HEATR5A: variants seen among roughly 807,000 people sequenced by gnomAD.
HEATR5A encodes the protein HEAT repeat-containing protein 5A.
A neutral mutation model predicts 218.8 loss-of-function variants in HEATR5A; 178 were observed. That is an observed-to-expected ratio of 0.81 (90% CI 0.72 to 0.92). HEATR5A has a LOEUF of 0.92. HEATR5A is among the 40% of genes least tolerant of loss of function. The pLI is 0.00. For synonymous variants in HEATR5A, 864 were observed against 871.6 expected, an observed-to-expected ratio of 0.99 and a Z score of 0.15; for missense variants, 2,420 against 2,418.9, an observed-to-expected ratio of 1.00 and a Z score of -0.01.
At chr14:31,418,383 C>G (rs938377083) in intron 1 of HEATR5A, among the ~76,000 whole-genome samples, 1 of 152,160 alleles carries the variant, frequency 6.6e-6, no homozygotes, top group African/African-American at 2.4e-5. Context: ...CGGTCTCTAT[C>G]ACAACTACTC....
chr14:31,322,351 T>C (rs1359150009), intron 24 of HEATR5A, among the ~76,000 whole-genome samples: 1 of 152,218 alleles, frequency 6.6e-6, no homozygotes, highest in African/African-American at 2.4e-5. Context: ...ATCTACAGTA[T>C]GTAAATTTTG....
At position 31,293,477 on chromosome 14, in the gene HEATR5A, T is replaced by C. The variant is rs1899080818; in HGVS notation, c.5969A>G (p.Gln1990Arg). ...ALQNLMQIGP[Q>R]YSSVFKSLVA... is the part of the protein sequence containing the mutation. The stretch of plus-strand genomic sequence containing the variant: ...TAAACTTTTAAAAACAGATGAATAC[T>C]GAGGTCCAATTTGCATGAGATTTTG... Residue 1990 changes from glutamine (Q) to arginine (R), a missense_variant, in exon 36 of 36, where the codon CAG becomes CGG. By Grantham distance (43) the Gln-to-Arg change is conservative (BLOSUM62 1). Coordinates refer to ENST00000543095, the MANE Select transcript of HEATR5A (RefSeq NM_015473.4). 1 of 1,613,874 alleles carries C rather than the reference T, an allele frequency of 6.2e-7. No individual in the cohort carries two copies.
In HEATR5A at chr14:31,343,668, C is replaced by A. The variant is rs538049651; in HGVS notation, c.3228+228G>T. Among the ~76,000 whole-genome samples the A allele has an allele frequency of 2.4e-4, 36 of 151,998 alleles. No individual in the cohort carries two copies. The East Asian group carries it at 7.0e-3, about 29-fold the overall frequency. Reference sequence around the variant, plus strand: ...TTCATTGATTTATGAATAAATATTCCAAATATCAAGTACAACAATGGGAGA... The same window carrying A: ...TTCATTGATTTATGAATAAATATTCAAAATATCAAGTACAACAATGGGAGA... On this transcript the variant is annotated intron_variant, in intron 21 of 35. Transcript: ENST00000543095.
At chr14:31,318,326 A>G (rs1899975472) in intron 25 of HEATR5A, 34 bp from the exon 26 acceptor site, 1 of 1,536,026 alleles carries the variant, frequency 6.5e-7, no homozygotes, top group Non-Finnish European at 9.0e-7. Context: ...TCAAACATCA[A>G]GAAGTAAGAC....
chr14:31,403,009 C>G lies in HEATR5A; in HGVS notation c.-34G>C, dbSNP rs746802787. On this transcript the variant is annotated 5_prime_UTR_variant, in exon 2 of 36. Coordinates refer to ENST00000543095, the MANE Select transcript of HEATR5A (RefSeq NM_015473.4). ...GCAATCCTCCCAGCTGATCACAGTT[C>G]TTCTCGTTAAACTTTGGTCAATATA... 1.0e-4 allele frequency: 157 copies of G among 1,524,862 alleles called. No individual in the cohort carries two copies. Among genetic ancestry groups the G allele is most frequent in the Non-Finnish European group, 1.4e-4 (154 of 1,140,166 alleles). The allele number at this position is 1,524,862 out of a possible 1,614,324, so 94.5% of individuals were successfully genotyped here. A position where few individuals can be genotyped will look rare whatever the true frequency, so the allele number is the denominator to read the frequency against.
At chr14:31,385,175 G>A (rs539260648) in intron 9 of HEATR5A, among the ~76,000 whole-genome samples, 1 of 152,196 alleles carries the variant, frequency 6.6e-6, no homozygotes, top group Non-Finnish European at 1.5e-5. Flanking sequence ...ACCCAGGATG[G>A]AATGCAGTGG....
At chr14:31,358,221 A>T (rs1901494179) in intron 16 of HEATR5A, among the ~76,000 whole-genome samples, 1 of 152,176 alleles carries the variant, frequency 6.6e-6, no homozygotes, top group South Asian at 2.1e-4. Context: ...ATTTTAAGTG[A>T]ACTGATAAAA....
In HEATR5A at chr14:31,350,599, AAAT is replaced by A. The variant is rs1177934039; in HGVS notation, c.2517+10_2517+12del. The A allele has an allele frequency of 2.1e-6, 3 of 1,438,020 alleles. No individual in the cohort carries two copies. Among genetic ancestry groups the A allele is most frequent in the East Asian group, 2.4e-5 (1 of 42,394 alleles). 89.1% of individuals were successfully genotyped at this position (1,438,020 alleles called of 1,614,324 possible). On this transcript the variant is annotated intron_variant, in intron 17 of 35. Transcript: ENST00000543095. ...AATGAAGCCAACATTTAAATGAAAA[AAAT>A]AATAATTACCTTCAAGAAACTAGAA... is the stretch of plus-strand genomic sequence containing the variant.
intron 11 of HEATR5A, among the ~76,000 whole-genome samples, chr14:31,377,413 T>C (rs1368434482): frequency 5.8e-5 from 1 of 17,202 alleles, no homozygotes; most frequent in East Asian, 1.8e-3. Flanking sequence ...CTCATAATGA[T>C]ACCTAAAAAA....
chr14:31,296,110 T>A, intron 33 of HEATR5A, 47 bp from the exon 34 acceptor site: 2 of 1,501,692 alleles, frequency 1.3e-6, no homozygotes, highest in South Asian at 2.3e-5. Context: ...TACTGCTTTA[T>A]ATACCTGTGT....
chr14:31,309,262 A>G (rs900627750), intron 28 of HEATR5A, 80 bp from the exon 29 acceptor site: 13 of 1,480,628 alleles, frequency 8.8e-6, no homozygotes, highest in Non-Finnish European at 1.2e-5. Context: ...GATATAGACC[A>G]TTTCCATCAC....
intron 1 of HEATR5A, among the ~76,000 whole-genome samples, chr14:31,405,333 T>C (rs182207969): frequency 9.3e-4 from 142 of 151,984 alleles, no homozygotes; most frequent in Non-Finnish European, 1.6e-3. Flanking sequence ...GATTGGGAGG[T>C]TGAGGCAGGA....
At position 31,325,979 on chromosome 14, in the gene HEATR5A, A is replaced by G; in HGVS notation, c.3547+184T>C. 4.9e-6 allele frequency: 3 copies of G among 613,738 alleles called. No homozygotes were observed. The South Asian group carries it at 6.0e-5, about 12-fold the overall frequency. 38.0% of individuals were successfully genotyped at this position (613,738 alleles called of 1,614,324 possible). ...GAGCAGGCTTAAGTATTGGATTTAT[A>G]TTGTTCAAATTACAGAGAATTCTAA... On this transcript the variant is annotated intron_variant, in intron 23 of 35. Coordinates refer to ENST00000543095, the MANE Select transcript of HEATR5A (RefSeq NM_015473.4).
intron 30 of HEATR5A, 124 bp downstream of exon 30, chr14:31,307,769 G>A: frequency 2.0e-6 from 2 of 1,014,032 alleles, no homozygotes; most frequent in Non-Finnish European, 2.9e-6. Context: ...GCCTAGCTGT[G>A]AGGCTGTATG....
rs1247114991 is a variant in HEATR5A at position 31,293,996 on chromosome 14, G to C, written c.5728C>G (p.Gln1910Glu). The C allele has an allele frequency of 1.9e-6, 3 of 1,605,652 alleles. No individual in the cohort carries two copies. The highest frequency in any genetic ancestry group is 2.6e-6 in the Non-Finnish European group (3 of 1,175,798). ...TCAGGTTTTCTCTTGTCTATTTCCTGCAGTTTTTCCATGATACAGGATGCT... is the reference window on the plus strand; with the variant it reads ...TCAGGTTTTCTCTTGTCTATTTCCTCCAGTTTTTCCATGATACAGGATGCT... Reference protein sequence around the residue: ...SLASCIMEKLQEIDKRKPENT... With the variant: ...SLASCIMEKLEEIDKRKPENT... Residue 1910 changes from glutamine to glutamate, a missense_variant, in exon 35 of 36, where the codon CAG becomes GAG. By Grantham distance (29) the Gln-to-Glu change is conservative. Transcript: ENST00000543095.
chr14:31,389,979 T>G (rs1179784049), intron 6 of HEATR5A, among the ~76,000 whole-genome samples: 1 of 150,956 alleles, frequency 6.6e-6, no homozygotes, highest in African/African-American at 2.4e-5. Flanking sequence ...GGGGGTGGAG[T>G]GAAGTGTAGT....
rs956697558 is a variant in HEATR5A at position 31,368,373 on chromosome 14, C to T, written c.1961+3437G>A. 5.3e-5 allele frequency among the ~76,000 whole-genome samples: 8 copies of T among 152,214 alleles called. 1 individual carries two copies. The Middle Eastern group carries it at 0.014, about 259-fold the overall frequency. On this transcript the variant is annotated intron_variant, in intron 13 of 35. Coordinates refer to ENST00000543095, the MANE Select transcript of HEATR5A (RefSeq NM_015473.4). ...CCCGTTTTTTAATAAATTATCCAGC[C>T]TCAGGTATTTTGTGATAGCAGCATA... is the stretch of plus-strand genomic sequence containing the variant.
chr14:31,332,979 C>T (rs1323757128), intron 22 of HEATR5A, among the ~76,000 whole-genome samples: 1 of 127,680 alleles, frequency 7.8e-6, no homozygotes, highest in Non-Finnish European at 1.8e-5. Flanking sequence ...CAGCAAGACT[C>T]CATCTCAAAA....
chr14:31,303,764 G>T (rs1899465133), intron 32 of HEATR5A, among the ~76,000 whole-genome samples: 1 of 152,128 alleles, frequency 6.6e-6, no homozygotes, highest in African/African-American at 2.4e-5. Context: ...TTAAAAAGCA[G>T]ATAAGGGTCA....
Sources: allele counts gnomAD v4.1 joint callset (sites outside exome capture counted in the v4.1 genomes callset), GRCh38; gene constraint gnomAD v4.1.1; transcripts MANE v1.5; gene names NCBI Gene and HGNC (gene_info 2026-07-23, HGNC 2026-07-21).